The following OSBPL5 variants were observed in gnomAD, a reference collection of about 807,000 sequenced individuals.
The protein encoded by OSBPL5 is oxysterol binding protein like 5.
OSBPL5 carries 71 observed loss-of-function variants against 111.2 expected under a neutral mutation model. That is an observed-to-expected ratio of 0.64 (90% CI 0.53 to 0.78). OSBPL5 has a LOEUF of 0.78. Among genes scored for constraint, OSBPL5 ranks in the 30% least tolerant of loss-of-function variants. The pLI is 0.00. For missense variants in OSBPL5, 1,210 were observed against 1,189.3 expected, an observed-to-expected ratio of 1.02 and a Z score of -0.26; for synonymous variants, 549 against 513.9, an observed-to-expected ratio of 1.07 and a Z score of -0.93.
At chr11:3,160,289 G>A (rs1318658479) in intron 1 of OSBPL5, among the ~76,000 whole-genome samples, 1 of 152,186 alleles carries the variant, frequency 6.6e-6, no homozygotes, top group Non-Finnish European at 1.5e-5. Flanking sequence ...AGGACCAGGA[G>A]CTGCCCCAAA....
At chr11:3,145,334 G>A (rs1434277622) in intron 1 of OSBPL5, among the ~76,000 whole-genome samples, 1 of 152,308 alleles carries the variant, frequency 6.6e-6, no homozygotes, top group East Asian at 1.9e-4. Flanking sequence ...ACCTCAGCAG[G>A]GCCCACAATT....
chr11:3,110,040 G>A lies in OSBPL5; in HGVS notation c.692-2095C>T, dbSNP rs1476662686. On this transcript the variant is annotated intron_variant, in intron 7 of 21. Coordinates refer to ENST00000263650, the MANE Select transcript of OSBPL5 (RefSeq NM_020896.4). The surrounding 1 kb of genome is among the most constrained non-coding windows in gnomAD (Gnocchi z 5.3). ...AGCACAGAGGCTGTGGGCTGCCCTG[G>A]CCATCCCCGGGCCTGCATGGGACCT... 6.6e-6 allele frequency among the ~76,000 whole-genome samples: 1 copy of A among 152,152 alleles called. No individual in the cohort carries two copies. Among genetic ancestry groups the A allele is most frequent in the Non-Finnish European group, 1.5e-5 (1 of 68,028 alleles).
chr11:3,118,682 T>C (rs1375658991), intron 7 of OSBPL5, among the ~76,000 whole-genome samples: 5 of 151,326 alleles, frequency 3.3e-5, no homozygotes, highest in Non-Finnish European at 5.9e-5. Context: ...AGGGATTCTC[T>C]TGCCTCAGCC....
chr11:3,147,452 C>T (rs1846394096), intron 1 of OSBPL5, among the ~76,000 whole-genome samples: 1 of 152,264 alleles, frequency 6.6e-6, no homozygotes, highest in Admixed American at 6.5e-5. Context: ...GCCTCTCCCT[C>T]GTGCCCCAGG....
Position 3,102,299 on chromosome 11 carries a change from T to C in OSBPL5, c.1327-18A>G. On this transcript the variant is annotated intron_variant, in intron 11 of 21. Coordinates refer to ENST00000263650, the MANE Select transcript of OSBPL5 (RefSeq NM_020896.4). The stretch of plus-strand genomic sequence containing the variant: ...TTGATTCCCTGCAGACAACAGAGAC[T>C]TGTGTGAGGAGCCAGGTGGGTAAGA... 6.3e-7 allele frequency: 1 copy of C among 1,578,270 alleles called. No individual in the cohort carries two copies. Among genetic ancestry groups the C allele is most frequent in the African/African-American group, 1.3e-5 (1 of 74,558 alleles).
chr11:3,118,405 G>A (rs1001171705), intron 7 of OSBPL5, among the ~76,000 whole-genome samples: 4 of 152,056 alleles, frequency 2.6e-5, no homozygotes, highest in Admixed American at 6.5e-5. Flanking sequence ...TGATTGTCCC[G>A]CCTTTCCAGA....
chr11:3,109,499 A>G lies in OSBPL5; in HGVS notation c.692-1554T>C, dbSNP rs1219667419. Among the ~76,000 whole-genome samples the G allele has an allele frequency of 6.6e-6, 1 of 152,176 alleles. No individual in the cohort carries two copies. Among genetic ancestry groups the G allele is most frequent in the African/African-American group, 2.4e-5 (1 of 41,438 alleles). ...TCTGCCTTTTCGAGCTCCTGGAGAC[A>G]GTGAGTTTTTCTCCCTCACTTTGAG... On this transcript the variant is annotated intron_variant, in intron 7 of 21. Transcript: ENST00000263650. The surrounding 1 kb of genome is among the most constrained non-coding windows in gnomAD (Gnocchi z 7.4).
rs1485073997 is a variant in OSBPL5, at chr11:3,146,813, G to A, written c.-21-17644C>T. Among the ~76,000 whole-genome samples the A allele has an allele frequency of 6.6e-6, 1 of 152,148 alleles. No individual in the cohort carries two copies. The highest frequency in any genetic ancestry group is 1.9e-4 in the East Asian group (1 of 5,182). On this transcript the variant is annotated intron_variant, in intron 1 of 21. Transcript: ENST00000263650. This position sits in a 1 kb window ranked among gnomAD's most constrained non-coding sequence, Gnocchi z 7.8. ...CCTGGCACAGGGCAGCAGACTGCAG[G>A]GTCCCTGGCAGCCAGATCCCCTTCG...
intron 14 of OSBPL5, 98 bp downstream of exon 14, chr11:3,100,060 G>C (rs1182702457): frequency 3.3e-6 from 3 of 921,550 alleles, no homozygotes; most frequent in Non-Finnish European, 5.0e-6. Flanking sequence ...TGAAGGCGAA[G>C]TAAAGATACC....
Position 3,107,142 on chromosome 11 carries a change from A to C in OSBPL5, c.1059+121T>G. On this transcript the variant is annotated intron_variant, in intron 9 of 21. Coordinates refer to ENST00000263650, the MANE Select transcript of OSBPL5 (RefSeq NM_020896.4). This position sits in a 1 kb window ranked among gnomAD's most constrained non-coding sequence, Gnocchi z 6.1. ...CTGGACTCACTGCCAAGTGATGGGG[A>C]CAAAAGCTACCCCCTGGGCCCTGCG... is the stretch of plus-strand genomic sequence containing the variant. 1 of 1,093,596 alleles carries C rather than the reference A, an allele frequency of 9.1e-7. No individual in the cohort carries two copies. Among genetic ancestry groups the C allele is most frequent in the Non-Finnish European group, 1.3e-6 (1 of 777,460 alleles). The allele number at this position is 1,093,596 out of a possible 1,614,324, so 67.7% of individuals were successfully genotyped here. A position where few individuals can be genotyped will look rare whatever the true frequency, so the allele number is the denominator to read the frequency against.
chr11:3,135,246 T>C (rs1227647945), intron 1 of OSBPL5, among the ~76,000 whole-genome samples: 1 of 152,240 alleles, frequency 6.6e-6, no homozygotes, highest in South Asian at 2.1e-4. Flanking sequence ...AAGGGGACAC[T>C]GGCCCAGCTG....
At chr11:3,128,965 C>G (rs1015176354) in intron 2 of OSBPL5, 48 bp downstream of exon 2, 1 of 1,439,580 alleles carries the variant, frequency 6.9e-7, no homozygotes, top group Non-Finnish European at 9.1e-7. Flanking sequence ...GTCACCCCAC[C>G]GGGCCCAAGC....
chr11:3,131,969 C>CGATG (rs1346238833), intron 1 of OSBPL5, among the ~76,000 whole-genome samples: 1 of 104,474 alleles, frequency 9.6e-6, no homozygotes, highest in African/African-American at 3.7e-5. Context: ...ATCCATCCAT[C>CGATG]CATCCACCCA....
In OSBPL5 at chr11:3,140,705, C is replaced by G. The variant is rs1290674166; in HGVS notation, c.-21-11536G>C. 6.6e-6 allele frequency among the ~76,000 whole-genome samples: 1 copy of G among 152,184 alleles called. No individual in the cohort carries two copies. Among genetic ancestry groups the G allele is most frequent in the Non-Finnish European group, 1.5e-5 (1 of 68,024 alleles). On this transcript the variant is annotated intron_variant, in intron 1 of 21. Coordinates refer to ENST00000263650, the MANE Select transcript of OSBPL5 (RefSeq NM_020896.4). The surrounding 1 kb of genome is among the most constrained non-coding windows in gnomAD (Gnocchi z 4.5). ...GGCTGTAGGAGCCTTGTTTCCAAGA[C>G]CAGAGAGGTCATAAGGTCACCTGCT...
At chr11:3,103,744 A>AG (rs200845515) in intron 10 of OSBPL5, among the ~76,000 whole-genome samples, 3 of 46,314 alleles carry the variant, frequency 6.5e-5, no homozygotes, top group African/African-American at 1.3e-4. Context: ...CTGCCTCTGC[A>AG]ACCCTCTTCC....
intron 7 of OSBPL5, among the ~76,000 whole-genome samples, chr11:3,112,070 T>C (rs147229096): frequency 6.7e-4 from 35 of 52,010 alleles, no homozygotes; most frequent in African/African-American, 2.7e-3. Context: ...TGTATGTGTG[T>C]GTGCATGTGT....
rs545381617 is a variant in OSBPL5 at position 3,095,115 on chromosome 11, G to A, written c.1622-781C>T. ...CCCAAATCCCTCCAGAGGGGGCTGT[G>A]TGAGTGCACCCTGGCCCATGAGCAC... On this transcript the variant is annotated intron_variant, in intron 14 of 21. Coordinates refer to ENST00000263650, the MANE Select transcript of OSBPL5 (RefSeq NM_020896.4). Among the ~76,000 whole-genome samples the A allele has an allele frequency of 4.6e-5, 7 of 151,986 alleles. No individual in the cohort carries two copies. The East Asian group carries it at 1.4e-3, about 29-fold the overall frequency.
rs1047405097 is a variant in OSBPL5 at position 3,142,739 on chromosome 11, G to C, written c.-21-13570C>G. Among the ~76,000 whole-genome samples, 1 of 152,072 alleles carries C rather than the reference G, an allele frequency of 6.6e-6. No individual in the cohort carries two copies. The highest frequency in any genetic ancestry group is 2.4e-5 in the African/African-American group (1 of 41,402). On this transcript the variant is annotated intron_variant, in intron 1 of 21. Transcript: ENST00000263650. This position sits in a 1 kb window ranked among gnomAD's most constrained non-coding sequence, Gnocchi z 7.1. ...TGTCCGCGGGGCCCGGCAGGAAGTCGTGTGCAGGGGTGGAGGCTGGAAGAC... is the reference window on the plus strand; with the variant it reads ...TGTCCGCGGGGCCCGGCAGGAAGTCCTGTGCAGGGGTGGAGGCTGGAAGAC...
At position 3,092,471 on chromosome 11, in the gene OSBPL5, G is replaced by A. The variant is rs1439439426; in HGVS notation, c.2220C>T (p.Arg740=). The A allele has an allele frequency of 6.3e-7, 1 of 1,574,858 alleles. No individual in the cohort carries two copies. The highest frequency in any genetic ancestry group is 8.6e-7 in the Non-Finnish European group (1 of 1,160,680). Reference sequence around the variant, plus strand: ...CTGGGCTGCCCAGGAAGGTGGTCTGGCGGGCCACGGCCTCCTGCTGCAAGG... The same window carrying A: ...CTGGGCTGCCCAGGAAGGTGGTCTGACGGGCCACGGCCTCCTGCTGCAAGG... ...LRTLQQEAVA[R]QTTFLGSPGP... is the part of the protein sequence containing the mutation. Residue 740 remains arginine (R), a synonymous_variant, in exon 19 of 22, where the codon CGC becomes CGT. Coordinates refer to ENST00000263650, the MANE Select transcript of OSBPL5 (RefSeq NM_020896.4). This position sits in a 1 kb window ranked among gnomAD's most constrained non-coding sequence, Gnocchi z 5.4.
Sources: allele counts gnomAD v4.1 joint callset (sites outside exome capture counted in the v4.1 genomes callset), GRCh38; gene constraint gnomAD v4.1.1; non-coding constraint Gnocchi (gnomAD v3.1); transcripts MANE v1.5; gene names NCBI Gene and HGNC (gene_info 2026-07-23, HGNC 2026-07-21).